NCKAP5: variants seen among roughly 807,000 people sequenced by gnomAD.
The protein encoded by NCKAP5 is nck-associated protein 5.
NCKAP5 carries 92 observed loss-of-function variants against 167.0 expected under a neutral mutation model. That is an observed-to-expected ratio of 0.55 (90% CI 0.47 to 0.66). The LOEUF is 0.66. Among genes scored for constraint, NCKAP5 ranks in the 30% least tolerant of loss-of-function variants. The pLI, the probability that NCKAP5 is intolerant of heterozygous loss-of-function variation, is 0.00. For synonymous variants in NCKAP5, 891 were observed against 877.4 expected, an observed-to-expected ratio of 1.02 and a Z score of -0.27; for missense variants, 2,378 against 2,315.0, an observed-to-expected ratio of 1.03 and a Z score of -0.56.
At chr2:133,673,881 G>A in the NCKAP5 span, among the ~76,000 whole-genome samples, 39 of 152,310 alleles carry the variant, frequency 2.6e-4, no homozygotes, top group East Asian at 5.6e-3. Flanking sequence ...AGGGCCTACC[G>A]TGACAAGCTA....
chr2:132,745,536 G>A (rs1679565106), intron 16 of NCKAP5, among the ~76,000 whole-genome samples: 1 of 151,826 alleles, frequency 6.6e-6, no homozygotes, highest in South Asian at 2.1e-4. Context: ...CTAAGACTGA[G>A]AGCATGTTAA....
chr2:132,883,328 T>G (rs894711926), intron 8 of NCKAP5, among the ~76,000 whole-genome samples: 2 of 152,128 alleles, frequency 1.3e-5, no homozygotes, highest in African/African-American at 4.8e-5. Flanking sequence ...ATTTTATTAG[T>G]TGCATACTTC....
chr2:133,538,355 G>A (rs1359182750), intron 2 of NCKAP5, among the ~76,000 whole-genome samples: 1 of 152,050 alleles, frequency 6.6e-6, no homozygotes, highest in African/African-American at 2.4e-5. Flanking sequence ...TGAGAATCAG[G>A]GGAAATTAAA....
At chr2:133,312,599 T>G (rs1347084314) in intron 3 of NCKAP5, among the ~76,000 whole-genome samples, 3 of 152,182 alleles carry the variant, frequency 2.0e-5, no homozygotes, top group Non-Finnish European at 4.4e-5. Flanking sequence ...CCAGAAACGG[T>G]GAAGCCTTGG....
At chr2:133,344,571 G>C (rs1037590397) in intron 3 of NCKAP5, among the ~76,000 whole-genome samples, 6 of 152,104 alleles carry the variant, frequency 3.9e-5, no homozygotes, top group African/African-American at 1.4e-4. Context: ...GGAGTGGTTT[G>C]TATTCATCTA....
intron 12 of NCKAP5, among the ~76,000 whole-genome samples, chr2:132,794,754 C>T (rs1190481633): frequency 2.0e-5 from 3 of 152,112 alleles, no homozygotes; most frequent in Non-Finnish European, 2.9e-5. Context: ...CCCTGTTTTA[C>T]ACTTCCTGAT....
At chr2:133,167,563 T>C (rs574163255) in intron 5 of NCKAP5, among the ~76,000 whole-genome samples, 6 of 152,296 alleles carry the variant, frequency 3.9e-5, no homozygotes, top group African/African-American at 1.2e-4. Flanking sequence ...TTAAGAGACC[T>C]GCTTGAAGTA....
chr2:132,674,253 A>G (rs1684134014), intron 19 of NCKAP5, among the ~76,000 whole-genome samples: 1 of 152,226 alleles, frequency 6.6e-6, no homozygotes, highest in Admixed American at 6.5e-5. Flanking sequence ...TTAAGCATCC[A>G]CTAGGTAAAA....
At chr2:133,644,390 T>C in the NCKAP5 span, among the ~76,000 whole-genome samples, 1 of 152,172 alleles carries the variant, frequency 6.6e-6, no homozygotes, top group Non-Finnish European at 1.5e-5. Flanking sequence ...GCTACCATAA[T>C]CATTTCCAAT....
chr2:132,837,874 A>T (rs2105402802), intron 11 of NCKAP5, among the ~76,000 whole-genome samples: 1 of 152,228 alleles, frequency 6.6e-6, no homozygotes, highest in Middle Eastern at 3.4e-3. Flanking sequence ...TCCTGCTGAG[A>T]CGAGTGATCC....
At chr2:133,532,054 C>T (rs979864314) in intron 2 of NCKAP5, among the ~76,000 whole-genome samples, 3 of 152,138 alleles carry the variant, frequency 2.0e-5, no homozygotes, top group Non-Finnish European at 4.4e-5. Flanking sequence ...CGATATACAG[C>T]ACTGTTTTAT....
chr2:132,804,024 C>A (rs977314584), intron 11 of NCKAP5, among the ~76,000 whole-genome samples: 1 of 152,194 alleles, frequency 6.6e-6, no homozygotes, highest in Non-Finnish European at 1.5e-5. Context: ...GAACTTAGCT[C>A]TTCCTGCAGA....
At chr2:133,027,240 A>T (rs2149409741) in intron 6 of NCKAP5, among the ~76,000 whole-genome samples, 1 of 152,074 alleles carries the variant, frequency 6.6e-6, no homozygotes, top group East Asian at 1.9e-4. Context: ...CATACACATC[A>T]CCCCAGCATG....
At chr2:133,335,545 T>C (rs1683152345) in intron 3 of NCKAP5, among the ~76,000 whole-genome samples, 1 of 152,176 alleles carries the variant, frequency 6.6e-6, no homozygotes, top group African/African-American at 2.4e-5. Context: ...AATTCCTTGA[T>C]TTTAAATCCG....
chr2:133,524,982 A>ATG (rs1050474196), intron 2 of NCKAP5, among the ~76,000 whole-genome samples: 1 of 152,118 alleles, frequency 6.6e-6, no homozygotes, highest in Non-Finnish European at 1.5e-5. Context: ...GTATGTGTGC[A>ATG]TGTGTGTGTG....
intron 8 of NCKAP5, among the ~76,000 whole-genome samples, chr2:132,957,426 C>G (rs550095413): frequency 1.3e-5 from 2 of 152,294 alleles, no homozygotes; most frequent in South Asian, 4.1e-4. Flanking sequence ...AATTCTGACT[C>G]TCTCACTGAC....
At chr2:133,322,532 T>C (rs930451212) in intron 3 of NCKAP5, among the ~76,000 whole-genome samples, 11 of 152,224 alleles carry the variant, frequency 7.2e-5, no homozygotes, top group Non-Finnish European at 1.0e-4. Context: ...ATGAGAAACC[T>C]GGGCTCATAG....
At chr2:133,174,715 T>TTC (rs1491586125) in intron 5 of NCKAP5, among the ~76,000 whole-genome samples, 11 of 143,238 alleles carry the variant, frequency 7.7e-5, no homozygotes, top group Non-Finnish European at 1.4e-4. Context: ...TTTTTTTTTT[T>TTC]CTCCCCCCTG....
At chr2:133,623,756 T>C in the NCKAP5 span, among the ~76,000 whole-genome samples, 4,443 of 152,082 alleles carry the variant, frequency 0.029, 237 homozygotes, top group African/African-American at 0.1. Context: ...GAACTAAAAG[T>C]AGATCTACCA....
Sources: gnomAD v4.1 joint callset for allele counts (sites outside exome capture counted in the v4.1 genomes callset) on GRCh38, gnomAD v4.1.1 for gene constraint, MANE v1.5 for transcripts, NCBI Gene and HGNC (gene_info 2026-07-23, HGNC 2026-07-21) for gene names.